ALAS2: variants seen among roughly 807,000 people sequenced by gnomAD.
ALAS2 encodes 5-aminolevulinate synthase, erythroid-specific, mitochondrial.
In ALAS2, 3 loss-of-function variants were observed where a neutral mutation model predicts 33.7. The ratio of observed to expected loss-of-function variants is 0.09; its 90% confidence interval spans 0.04 to 0.23. The LOEUF is 0.23. Ranked by LOEUF, ALAS2 falls within the 10% of genes least tolerant of loss-of-function variation. The pLI is 1.00. For synonymous variants in ALAS2, 191 were observed against 177.3 expected (o/e 1.08, Z -0.61); for missense variants, 304 against 475.1 (o/e 0.64, Z 3.35).
intron 10 of ALAS2, 26 bp from the exon 11 acceptor site, chrX:55,009,369 GA>G (rs781584575): frequency 6.0e-6 from 7 of 1,169,105 alleles, no homozygotes; most frequent in South Asian, 5.8e-5. Flanking sequence ...GGAGGGGAGG[GA>G]AAAAATGGGT....
At chrX:55,013,760 A>C in intron 9 of ALAS2, 112 bp from the exon 10 acceptor site, 1 of 964,607 alleles carries the variant, frequency 1.0e-6, no homozygotes, top group Non-Finnish European at 1.5e-6. Context: ...ATTTTGGGAT[A>C]GATTTTTTTT....
In ALAS2 at chrX:55,009,187, T is replaced by G. The variant is rs139596860; in HGVS notation, c.1757A>C (p.Tyr586Ser). 8.3e-7 allele frequency: 1 copy of G among 1,205,866 alleles called. No homozygotes were observed. The highest frequency in any genetic ancestry group is 1.8e-5 in the South Asian group (1 of 55,758). ...GNMGPQYVTT[Y>S]A is the part of the protein sequence containing the mutation. ...TCCTAGGCAGCTGGCTTCTCAGGCA[T>G]AGGTGGTGACATACTGGGGCCCCAT... Residue 586 changes from tyrosine (Y) to serine (S), a missense_variant, in exon 11 of 11, where the codon TAT becomes TCT. Transcript: ENST00000650242.
chrX:55,012,849 A>G (rs1396515759), intron 10 of ALAS2, among the ~76,000 whole-genome samples: 2 of 112,059 alleles, frequency 1.8e-5, no homozygotes, highest in East Asian at 5.6e-4. Flanking sequence ...CAGAAATCCA[A>G]CAAACATTAG....
At chrX:55,015,155 A>G (rs1935677912) in intron 8 of ALAS2, 140 bp from the exon 9 acceptor site, 1 of 673,523 alleles carries the variant, frequency 1.5e-6, no homozygotes, top group African/African-American at 2.2e-5. Context: ...TCATCTGTCC[A>G]TGACAAGGCA....
intron 3 of ALAS2, 45 bp from the exon 4 acceptor site, chrX:55,023,912 A>G: frequency 9.5e-7 from 1 of 1,055,771 alleles, no homozygotes; most frequent in Non-Finnish European, 1.3e-6. Flanking sequence ...AGAATGGGGG[A>G]AAAAGAAAGC....
Position 55,026,496 on chromosome X carries a change from A to G in ALAS2, c.-15-481T>C, listed in dbSNP as rs1349685097. Among the ~76,000 whole-genome samples, 4 of 109,400 alleles carry G rather than the reference A, an allele frequency of 3.7e-5. No homozygotes were observed. In the East Asian group the frequency reaches 1.1e-3, roughly 31 times the overall value. On this transcript the variant is annotated intron_variant, in intron 1 of 10. Coordinates refer to ENST00000650242, the MANE Select transcript of ALAS2 (RefSeq NM_000032.5). The stretch of plus-strand genomic sequence containing the variant: ...GCTTGGCCCAGGGTGTTTCCTAAGC[A>G]GGATCAGCCAGAGGGGAGAAGGAGC...
chrX:55,028,230 G>A (rs1935925772), intron 1 of ALAS2, among the ~76,000 whole-genome samples: 1 of 110,724 alleles, frequency 9.0e-6, no homozygotes. Context: ...ATCGCCATTG[G>A]GGTCTGACCA....
In ALAS2 at chrX:55,020,328, A is replaced by T. The variant is rs1287634787; in HGVS notation, c.815T>A (p.Ile272Asn). ...TCAGGCCTCAGGCTTACCTGGCAGGATCTTGGCCAAGGTGAAGAGAGTAGA... is the reference window on the plus strand; with the variant it reads ...TCAGGCCTCAGGCTTACCTGGCAGGTTCTTGGCCAAGGTGAAGAGAGTAGA... ...NDSTLFTLAKILPGCEIYSDA... is the reference protein window; with the variant it reads ...NDSTLFTLAKNLPGCEIYSDA... Residue 272 changes from isoleucine to asparagine, a missense_variant, in exon 6 of 11, where the codon ATC becomes AAC. Physicochemically the swap from Ile to Asn is moderately radical, Grantham distance 149. Transcript: ENST00000650242. The T allele has an allele frequency of 3.3e-6, 4 of 1,207,246 alleles. No homozygotes were observed. Among genetic ancestry groups the T allele is most frequent in the Non-Finnish European group, 4.5e-6 (4 of 894,156 alleles).
At chrX:55,028,841 G>T (rs1443990203) in intron 1 of ALAS2, among the ~76,000 whole-genome samples, 1 of 111,176 alleles carries the variant, frequency 9.0e-6, no homozygotes, top group Non-Finnish European at 1.9e-5. Flanking sequence ...GTCAATTTAG[G>T]GTATAAAGAG....
intron 7 of ALAS2, 82 bp downstream of exon 7, chrX:55,017,404 G>T: frequency 1.1e-6 from 1 of 919,659 alleles, no homozygotes; most frequent in Non-Finnish European, 1.6e-6. Context: ...CTGTTATAAT[G>T]TTATCGTCAT....
At position 55,023,806 on chromosome X, in the gene ALAS2, C is replaced by T. The variant is rs994776656; in HGVS notation, c.366G>A (p.Gln122=). The T allele has an allele frequency of 1.7e-6, 2 of 1,211,369 alleles. No individual in the cohort carries two copies. Among genetic ancestry groups the T allele is most frequent in the South Asian group, 1.8e-5 (1 of 56,867 alleles). ...GTGTGACCTTCCCAGAGATCTGCTC[C>T]TGCTCCTGGGGACCGGAAAATGGCT... is the stretch of plus-strand genomic sequence containing the variant. ...LRKPFSGPQE[Q]EQISGKVTHL... Residue 122 remains glutamine, a synonymous_variant, in exon 4 of 11, where the codon CAG becomes CAA. Coordinates refer to ENST00000650242, the MANE Select transcript of ALAS2 (RefSeq NM_000032.5).
chrX:55,017,790 C>A, intron 6 of ALAS2, 125 bp from the exon 7 acceptor site: 1 of 732,888 alleles, frequency 1.4e-6, no homozygotes, highest in Non-Finnish European at 2.1e-6. Context: ...TCTGCTTCTT[C>A]CTTCTCTGGG....
chrX:55,021,606 T>A (rs1003585265), intron 4 of ALAS2, among the ~76,000 whole-genome samples: 1 of 112,263 alleles, frequency 8.9e-6, no homozygotes, highest in Non-Finnish European at 1.9e-5. Flanking sequence ...ACAGATCTTG[T>A]TTCTAGCGAT....
intron 5 of ALAS2, 129 bp downstream of exon 5, chrX:55,020,923 G>T (rs1935794003): frequency 1.8e-6 from 1 of 556,532 alleles, no homozygotes. Flanking sequence ...AGATATGATG[G>T]AGGACCTTGG....
At position 55,014,975 on chromosome X, in the gene ALAS2, G is replaced by A. The variant is rs749148122; in HGVS notation, c.1209C>T (p.Thr403=). The A allele has an allele frequency of 3.3e-6, 4 of 1,210,782 alleles. No individual in the cohort carries two copies. The South Asian group carries it at 7.1e-5, about 21-fold the overall frequency. ...AGCGCACCATGTCCACCAAGTCACGGGTGCTGGCAATGTAGCCGCCCACAC... is the reference window on the plus strand; with the variant it reads ...AGCGCACCATGTCCACCAAGTCACGAGTGCTGGCAATGTAGCCGCCCACAC... ...FGCVGGYIAS[T]RDLVDMVRSY... Residue 403 remains threonine, a synonymous_variant, in exon 9 of 11, where the codon ACC becomes ACT. Transcript: ENST00000650242.
intron 6 of ALAS2, among the ~76,000 whole-genome samples, chrX:55,019,938 G>A (rs1401182689): frequency 8.9e-6 from 1 of 112,048 alleles, no homozygotes; most frequent in African/African-American, 3.2e-5. Context: ...GAAGTAAGAT[G>A]TGAGGTTATT....
At chrX:55,018,430 T>A (rs1225397112) in intron 6 of ALAS2, among the ~76,000 whole-genome samples, 1 of 111,508 alleles carries the variant, frequency 9.0e-6, no homozygotes, top group Non-Finnish European at 1.9e-5. Context: ...TATGGCTTTC[T>A]GGAGAAAATG....
intron 4 of ALAS2, 111 bp from the exon 5 acceptor site, chrX:55,021,385 T>C: frequency 1.6e-6 from 1 of 612,214 alleles, no homozygotes; most frequent in South Asian, 2.5e-5. Flanking sequence ...TTTCCACATA[T>C]TCATTTATTT....
chrX:55,024,782 C>T lies in ALAS2; in HGVS notation c.240G>A (p.Gly80=), dbSNP rs757804094. ...CPFMLSELQD[G]KSKIVQKAAP... is the part of the protein sequence containing the mutation. ...CTGCCTTCTGCACAATCTTGCTCTT[C>T]CCATCCTGGAGTTCCGACAGCATGA... The change falls in exon 3 of 11, where the codon GGG becomes GGA. Residue 80 remains glycine, a synonymous_variant. Coordinates refer to ENST00000650242, the MANE Select transcript of ALAS2 (RefSeq NM_000032.5). 1 of 1,211,655 alleles carries T rather than the reference C, an allele frequency of 8.3e-7. No homozygotes were observed. Among genetic ancestry groups the T allele is most frequent in the South Asian group, 1.8e-5 (1 of 56,995 alleles).
Sources: gnomAD v4.1 joint callset for allele counts (sites outside exome capture counted in the v4.1 genomes callset) on GRCh38, gnomAD v4.1.1 for gene constraint, MANE v1.5 for transcripts, NCBI Gene and HGNC (gene_info 2026-07-23, HGNC 2026-07-21) for gene names.